CLCNKB: variants seen among roughly 807,000 people sequenced by gnomAD.
CLCNKB encodes the protein chloride channel protein ClC-Kb.
Under a neutral mutation model 83.8 loss-of-function variants are expected in CLCNKB, and 74 were observed. The ratio of observed to expected loss-of-function variants is 0.88; its 90% CI spans 0.73 to 1.07. CLCNKB has a LOEUF of 1.07. Among genes scored for constraint, CLCNKB ranks in the 50% least tolerant of loss-of-function variants. CLCNKB has a pLI of 0.00. For synonymous variants in CLCNKB, 358 were observed against 356.6 expected, an observed-to-expected ratio of 1.00 and a Z score of -0.04; for missense variants, 798 against 893.6, an observed-to-expected ratio of 0.89 and a Z score of 1.36.
chr1:16,055,652 C>T lies in CLCNKB; in HGVS notation c.1846-23C>T. 1.9e-6 allele frequency: 3 copies of T among 1,613,064 alleles called. No individual in the cohort carries two copies. In the South Asian group the frequency reaches 3.3e-5, roughly 18 times the overall value. ...CATCCTGGGGAGGCCAGCCCTGCAC[C>T]TGTAACCCTTCCCCACCCCCAGCAG... On this transcript the variant is annotated intron_variant, in intron 17 of 19. Coordinates refer to ENST00000375679, the MANE Select transcript of CLCNKB (RefSeq NM_000085.5).
In CLCNKB at chr1:16,045,576, A is replaced by T; in HGVS notation, c.119A>T (p.Lys40Met). The change falls in exon 3 of 20, where the codon AAG becomes ATG. Residue 40 changes from lysine (K) to methionine (M), a missense_variant. Lys to Met is a moderately conservative substitution (Grantham distance 95). Coordinates refer to ENST00000375679, the MANE Select transcript of CLCNKB (RefSeq NM_000085.5). ...GCCCCAGGTGGCCTGGAGTGGCTGAAGCAGAAGCTCTTCCGCCTGGGCGAG... is the reference window on the plus strand; with the variant it reads ...GCCCCAGGTGGCCTGGAGTGGCTGATGCAGAAGCTCTTCCGCCTGGGCGAG... ...RGIRGGLEWLKQKLFRLGEDW... is the reference protein window; with the variant it reads ...RGIRGGLEWLMQKLFRLGEDW... 1 of 1,613,670 alleles carries T rather than the reference A, an allele frequency of 6.2e-7. No homozygotes were observed. The highest frequency in any genetic ancestry group is 1.3e-5 in the African/African-American group (1 of 75,006).
rs2023110918 is a variant in CLCNKB at position 16,046,641 on chromosome 1, G to A, written c.336G>A (p.Gln112=). The change falls in exon 4 of 20, where the codon CAG becomes CAA. Residue 112 remains glutamine (Q), a synonymous_variant. Transcript: ENST00000375679. ...ALVSFSSGFS[Q]SITPSSGGSG... is the part of the protein sequence containing the mutation. The stretch of plus-strand genomic sequence containing the variant: ...TCTCTTTCTCTTCAGGCTTCTCTCA[G>A]AGCATCACACCCTCCTCTGGAGGTG... The A allele has an allele frequency of 1.2e-6, 2 of 1,613,998 alleles. No homozygotes were observed. The highest frequency in any genetic ancestry group is 2.7e-5 in the African/African-American group (2 of 74,896).
intron 14 of CLCNKB, 148 bp downstream of exon 14, chr1:16,051,968 C>A (rs1278897308): frequency 3.6e-6 from 3 of 836,078 alleles, no homozygotes; most frequent in Admixed American, 4.1e-5. Context: ...CCCTCCTGAG[C>A]CCCACCATTC....
intron 15 of CLCNKB, 97 bp downstream of exon 15, chr1:16,052,508 G>A: frequency 7.4e-7 from 1 of 1,355,840 alleles, no homozygotes; most frequent in South Asian, 1.2e-5. Flanking sequence ...CACCGTAGCT[G>A]ACCTCGGACA....
rs1215084796 is a variant in CLCNKB, at chr1:16,057,176, C to A, written c.*260C>A. 1 of 690,162 alleles carries A rather than the reference C, an allele frequency of 1.4e-6. No homozygotes were observed. Among genetic ancestry groups the A allele is most frequent in the Non-Finnish European group, 2.7e-6 (1 of 370,676 alleles). 42.8% of individuals were successfully genotyped at this position (690,162 alleles called of 1,614,324 possible). On this transcript the variant is annotated 3_prime_UTR_variant, in exon 20 of 20. Coordinates refer to ENST00000375679, the MANE Select transcript of CLCNKB (RefSeq NM_000085.5). ...ATGGAAAACCAGTATCTGCCAGTTG[C>A]TCAGTGACTGGCCATCACATTAATG...
intron 18 of CLCNKB, among the ~76,000 whole-genome samples, chr1:16,056,197 G>C (rs987508607): frequency 6.6e-6 from 1 of 152,168 alleles, no homozygotes; most frequent in Admixed American, 6.5e-5. Context: ...TGTGCTGCTG[G>C]AGGGTGCTGG....
In CLCNKB at chr1:16,051,767, T is replaced by C. The variant is rs561327749; in HGVS notation, c.1355T>C (p.Ile452Thr). The change falls in exon 14 of 20, where the codon ATC becomes ACC. Residue 452 changes from isoleucine to threonine, a missense_variant. Physicochemically the swap from Ile to Thr is moderately conservative, Grantham distance 89 (BLOSUM62 -1). Coordinates refer to ENST00000375679, the MANE Select transcript of CLCNKB (RefSeq NM_000085.5). ...CTCTCTTTTATCTTCCCTGAGGGCATCGTGGCTGGAGGGATCACCAATCCC... is the reference window on the plus strand; with the variant it reads ...CTCTCTTTTATCTTCCCTGAGGGCACCGTGGCTGGAGGGATCACCAATCCC... ...ETLSFIFPEG[I>T]VAGGITNPIM... 1.2e-6 allele frequency: 2 copies of C among 1,613,924 alleles called. No individual in the cohort carries two copies. Among genetic ancestry groups the C allele is most frequent in the African/African-American group, 2.7e-5 (2 of 74,972 alleles).
intron 18 of CLCNKB, 129 bp downstream of exon 18, chr1:16,055,887 T>G: frequency 1.2e-6 from 1 of 832,392 alleles, no homozygotes; most frequent in East Asian, 2.7e-5. Context: ...CTGCTCCTCC[T>G]GGGCCAGTGT....
At chr1:16,052,174 C>T (rs1342462804) in intron 14 of CLCNKB, 24 bp from the exon 15 acceptor site, 2 of 1,612,244 alleles carry the variant, frequency 1.2e-6, no homozygotes, top group East Asian at 2.2e-5. Flanking sequence ...GCCTGAGCTG[C>T]CCTGCCTGAC....
intron 2 of CLCNKB, 45 bp downstream of exon 2, chr1:16,044,637 G>A (rs368792715): frequency 6.7e-7 from 1 of 1,491,906 alleles, no homozygotes; most frequent in African/African-American, 1.4e-5. Flanking sequence ...GACCACTCAG[G>A]ACATCATTCC....
At chr1:16,045,863 T>G (rs1249634569) in intron 3 of CLCNKB, among the ~76,000 whole-genome samples, 177 bp downstream of exon 3, 1 of 152,190 alleles carries the variant, frequency 6.6e-6, no homozygotes, top group Admixed American at 6.5e-5. Context: ...TGCCCCTCTC[T>G]GGGCCTCAGT....
At chr1:16,047,842 T>G in intron 4 of CLCNKB, 63 bp from the exon 5 acceptor site, 2 of 1,543,012 alleles carry the variant, frequency 1.3e-6, no homozygotes, top group South Asian at 1.1e-5. Flanking sequence ...ATCACACAGG[T>G]AGAGTGTTGA....
chr1:16,050,712 AT>A, intron 11 of CLCNKB, 112 bp downstream of exon 11: 1 of 1,481,770 alleles, frequency 6.7e-7, no homozygotes, highest in Non-Finnish European at 9.3e-7. Context: ...CCTCAGCATT[AT>A]TTTATAGATG....
chr1:16,044,756 T>C (rs969455305), intron 2 of CLCNKB, among the ~76,000 whole-genome samples, 164 bp downstream of exon 2: 4 of 152,202 alleles, frequency 2.6e-5, no homozygotes, highest in African/African-American at 4.8e-5. Flanking sequence ...AAGGGGTCTG[T>C]CTGTCCAGCT....
chr1:16,056,345 A>C, intron 18 of CLCNKB, 77 bp from the exon 19 acceptor site: 1 of 1,427,188 alleles, frequency 7.0e-7, no homozygotes. Flanking sequence ...TTCCTGGCTC[A>C]GAGGCGTGGT....
chr1:16,055,574 A>G, intron 17 of CLCNKB, 51 bp downstream of exon 17: 1 of 1,537,760 alleles, frequency 6.5e-7, no homozygotes, highest in Non-Finnish European at 9.0e-7. Context: ...GTCAGCAGGA[A>G]TGGGAGGAGA....
At chr1:16,049,085 G>A (rs772341832) in intron 7 of CLCNKB, 35 bp from the exon 8 acceptor site, 5 of 1,613,420 alleles carry the variant, frequency 3.1e-6, no homozygotes, top group Non-Finnish European at 2.5e-6. Context: ...GTGGGTGGGG[G>A]TGGAGGGCCC....
rs2023403945 is a variant in CLCNKB at position 16,055,296 on chromosome 1, G to T, written c.1757-139G>T. 1.7e-5 allele frequency: 13 copies of T among 770,688 alleles called. No homozygotes were observed. The South Asian group carries it at 1.9e-4, about 11-fold the overall frequency. The allele number at this position is 770,688 out of a possible 1,614,324, so 47.7% of individuals were successfully genotyped here. ...CTGTGCCTCTGAGCCAAAGTTTCCT[G>T]TCCTTTATAATGGGTGACAATAGTC... On this transcript the variant is annotated intron_variant, in intron 16 of 19. Transcript: ENST00000375679.
At chr1:16,043,912 C>A (rs1174419977) in intron 1 of CLCNKB, 32 bp downstream of exon 1, 4 of 127,386 alleles carry the variant, frequency 3.1e-5, no homozygotes, top group African/African-American at 1.3e-4. Context: ...CTGGGGCCTG[C>A]CAGGGCCAGA....
Sources: allele counts gnomAD v4.1 joint callset (sites outside exome capture counted in the v4.1 genomes callset), GRCh38; gene constraint gnomAD v4.1.1; transcripts MANE v1.5; gene names NCBI Gene and HGNC (gene_info 2026-07-23, HGNC 2026-07-21).